Variants in PAX8 observed in about 807,000 individuals in gnomAD.
The protein encoded by PAX8 is paired box protein Pax-8.
Under a neutral mutation model 52.4 loss-of-function variants are expected in PAX8, and 15 were observed. That is an observed-to-expected ratio of 0.29 (90% CI 0.19 to 0.44). The LOEUF is 0.44. Ranked by LOEUF, PAX8 falls within the 20% of genes least tolerant of loss-of-function variation. PAX8 has a pLI of 1.00. For missense variants in PAX8, 554 were observed against 602.5 expected (o/e 0.92, Z 0.84); for synonymous variants, 284 against 249.7 (o/e 1.14, Z -1.29).
chr2:113,242,343 C>T (rs1573462127), intron 5 of PAX8, among the ~76,000 whole-genome samples: 1 of 149,286 alleles, frequency 6.7e-6, no homozygotes, highest in East Asian at 2.0e-4. Context: ...AGAGTGACAC[C>T]CCTCACAGTC....
At chr2:113,222,546 G>A (rs573334816) in intron 10 of PAX8, among the ~76,000 whole-genome samples, 25 of 152,244 alleles carry the variant, frequency 1.6e-4, no homozygotes, top group African/African-American at 5.3e-4. Flanking sequence ...TCTCTGCCCC[G>A]ATGAAAGGCC....
intron 10 of PAX8, 42 bp from the exon 11 acceptor site, chr2:113,220,220 C>A: frequency 6.7e-7 from 1 of 1,482,264 alleles, no homozygotes; most frequent in Non-Finnish European, 9.4e-7. Context: ...AGGTGAAGGG[C>A]ATCAATGCAG....
intron 3 of PAX8, among the ~76,000 whole-genome samples, chr2:113,245,258 C>T (rs893765077): frequency 1.3e-5 from 2 of 152,112 alleles, no homozygotes; most frequent in Non-Finnish European, 2.9e-5. Context: ...GTTGGCCTGG[C>T]TGGTCTTGAG....
intron 8 of PAX8, chr2:113,235,892 G>T (rs1690254102): frequency 2.6e-6 from 1 of 389,720 alleles, no homozygotes; most frequent in Non-Finnish European, 4.6e-6. Context: ...GCGACCCCTC[G>T]GCCCACCTTG....
At position 113,216,058 on chromosome 2, in the gene PAX8, G is replaced by A. The variant is rs551249311; in HGVS notation, c.*2475C>T. 61 of 222,348 alleles carry A rather than the reference G, an allele frequency of 2.7e-4. No homozygotes were observed. The highest frequency in any genetic ancestry group is 1.2e-3 in the African/African-American group (52 of 44,844). The allele number at this position is 222,348 out of a possible 1,614,324, so 13.8% of individuals were successfully genotyped here. ...GGTTGTGAGTTGGAAAGGGTCTGCC[G>A]GGGGTACAGAGTGTCCCCAGAGGGG... On this transcript the variant is annotated 3_prime_UTR_variant, in exon 12 of 12. Coordinates refer to ENST00000429538, the MANE Select transcript of PAX8 (RefSeq NM_003466.4).
intron 2 of PAX8, chr2:113,274,243 A>T (rs540736287): frequency 1.8e-4 from 28 of 152,310 alleles, no homozygotes; most frequent in African/African-American, 6.7e-4. Flanking sequence ...CATGGACCCC[A>T]GATAAAGACT....
chr2:113,250,005 C>T (rs189603303), intron 2 of PAX8, among the ~76,000 whole-genome samples: 10 of 151,842 alleles, frequency 6.6e-5, no homozygotes, highest in East Asian at 5.8e-4. Context: ...TGGTGGCTCA[C>T]GCCTGTAATC....
At chr2:113,226,520 G>T in intron 10 of PAX8, 3 of 991,490 alleles carry the variant, frequency 3.0e-6, no homozygotes, top group Non-Finnish European at 3.6e-6. Flanking sequence ...TGGCAGGCAG[G>T]TTCCAGAACA....
chr2:113,236,985 T>C, intron 7 of PAX8: 1 of 508,492 alleles, frequency 2.0e-6, no homozygotes, highest in Non-Finnish European at 3.5e-6. Context: ...GACCACACCC[T>C]GGTTGGATGG....
chr2:113,249,324 G>A (rs1461219956), intron 2 of PAX8, among the ~76,000 whole-genome samples: 2 of 152,182 alleles, frequency 1.3e-5, no homozygotes, highest in African/African-American at 4.8e-5. Context: ...GTTGCCTTCC[G>A]GCTCTTTTGG....
intron 2 of PAX8, chr2:113,255,674 C>T (rs1692196296): frequency 6.6e-6 from 1 of 152,178 alleles, no homozygotes; most frequent in Non-Finnish European, 1.5e-5. Context: ...AGGAAACTGT[C>T]ACTGACTCTA....
chr2:113,224,674 T>C (rs751645564), intron 10 of PAX8, among the ~76,000 whole-genome samples: 2 of 149,186 alleles, frequency 1.3e-5, no homozygotes, highest in African/African-American at 5.0e-5. Flanking sequence ...CGTGGAAAAA[T>C]GTATGGGAAG....
intron 7 of PAX8, chr2:113,238,757 T>G (rs922742377): frequency 2.6e-5 from 4 of 152,196 alleles, no homozygotes; most frequent in African/African-American, 4.8e-5. Flanking sequence ...TCATAGACTC[T>G]ACTTTATGAG....
At chr2:113,251,230 G>A (rs1359373495) in intron 2 of PAX8, among the ~76,000 whole-genome samples, 2 of 152,182 alleles carry the variant, frequency 1.3e-5, no homozygotes, top group African/African-American at 2.4e-5. Flanking sequence ...GCCCAGAGGT[G>A]GGTGCAGACT....
At chr2:113,255,281 A>G (rs1416778613) in intron 2 of PAX8, 2 of 7,844 alleles carry the variant, frequency 2.5e-4, no homozygotes, top group Admixed American at 1.9e-3. Flanking sequence ...GAGGGAGGGG[A>G]GGAGGGAGGG....
In PAX8 at chr2:113,242,144, G is replaced by C; in HGVS notation, c.479-14C>G. ...CTGAGCTGGGGACTGCAGTGGGGGAGAGGGAGAGGGTCAGGGGTGGGAGTG... is the reference window on the plus strand; with the variant it reads ...CTGAGCTGGGGACTGCAGTGGGGGACAGGGAGAGGGTCAGGGGTGGGAGTG... On this transcript the variant is annotated splice_polypyrimidine_tract_variant and intron_variant, in intron 5 of 11. Transcript: ENST00000429538. The C allele has an allele frequency of 6.2e-7, 1 of 1,609,486 alleles. No homozygotes were observed. Among genetic ancestry groups the C allele is most frequent in the South Asian group, 1.1e-5 (1 of 90,668 alleles).
chr2:113,249,321 TC>T (rs1691581754), intron 2 of PAX8, among the ~76,000 whole-genome samples: 1 of 152,230 alleles, frequency 6.6e-6, no homozygotes, highest in South Asian at 2.1e-4. Flanking sequence ...ATTGTTGCCT[TC>T]CGGCTCTTTT....
chr2:113,235,683 G>T, intron 8 of PAX8, 101 bp from the exon 9 acceptor site: 1 of 931,756 alleles, frequency 1.1e-6, no homozygotes, highest in Non-Finnish European at 1.6e-6. Flanking sequence ...CGGGCGGGGC[G>T]CGGGGCAGGC....
chr2:113,241,385 A>T, intron 7 of PAX8, 166 bp downstream of exon 7: 1 of 732,448 alleles, frequency 1.4e-6, no homozygotes, highest in East Asian at 2.7e-5. Flanking sequence ...ATGCCAGGGC[A>T]TCTGGTAAAA....
Sources: gnomAD v4.1 joint callset for allele counts (sites outside exome capture counted in the v4.1 genomes callset) on GRCh38, gnomAD v4.1.1 for gene constraint, MANE v1.5 for transcripts, NCBI Gene and HGNC (gene_info 2026-07-23, HGNC 2026-07-21) for gene names.